Variants in DAB1 observed in about 807,000 individuals in gnomAD.
DAB1 encodes the protein DAB adaptor protein 1.
DAB1 carries 15 observed loss-of-function variants against 64.6 expected under a neutral mutation model. The observed-to-expected ratio is 0.23, with a 90% CI of 0.16 to 0.36. The LOEUF (loss-of-function observed/expected upper bound fraction) is 0.36, where lower values mean the gene tolerates loss of function less well. DAB1 is among the 10% of genes least tolerant of loss of function. DAB1 has a pLI of 1.00. For missense variants in DAB1, 596 were observed against 706.7 expected, an observed-to-expected ratio of 0.84 and a Z score of 1.78; for synonymous variants, 235 against 251.9, an observed-to-expected ratio of 0.93 and a Z score of 0.64.
At position 58,034,667 on chromosome 1, in the gene DAB1, C is replaced by T. The variant is rs573798088; in HGVS notation, n.387+115844G>A. Among the ~76,000 whole-genome samples, 5 of 152,290 alleles carry T rather than the reference C, an allele frequency of 3.3e-5. No individual in the cohort carries two copies. The East Asian group carries it at 9.7e-4, about 29-fold the overall frequency. On this transcript the variant is annotated intron_variant and non_coding_transcript_variant, in intron 5 of 20. Transcript: ENST00000485760. ...TATTTCTAGGTTATAGTTCTAGTAG[C>T]AGTTAGCTCAGAAATGATTTCTTCC... is the stretch of plus-strand genomic sequence containing the variant.
At chr1:57,286,018 T>C (rs183204038) in intron 2 of DAB1, among the ~76,000 whole-genome samples, 12 of 152,344 alleles carry the variant, frequency 7.9e-5, no homozygotes. Context: ...TGACAAGCTG[T>C]ATGTGCAGTG....
At chr1:57,002,142 G>A (rs1399366645) in intron 14 of DAB1, among the ~76,000 whole-genome samples, 1 of 152,200 alleles carries the variant, frequency 6.6e-6, no homozygotes, top group Non-Finnish European at 1.5e-5. Context: ...TAACAGAGTA[G>A]ATGGAAACCA....
intron 5 of DAB1, among the ~76,000 whole-genome samples, chr1:58,058,438 CAT>C (rs2100545613): frequency 6.6e-6 from 1 of 152,268 alleles, no homozygotes; most frequent in East Asian, 1.9e-4. Flanking sequence ...TCATTTACGC[CAT>C]TCGCTCCCAC....
intron 7 of DAB1, among the ~76,000 whole-genome samples, chr1:57,529,192 C>T (rs1644632285): frequency 6.6e-6 from 1 of 152,002 alleles, no homozygotes; most frequent in African/African-American, 2.4e-5. Flanking sequence ...AAGGTGCATA[C>T]ATAATTTATA....
chr1:58,461,049 T>C (rs1645238530), intron 3 of DAB1, among the ~76,000 whole-genome samples: 1 of 152,242 alleles, frequency 6.6e-6, no homozygotes, highest in South Asian at 2.1e-4. Flanking sequence ...GAAAGCCTTC[T>C]GTACCAGATA....
intron 7 of DAB1, among the ~76,000 whole-genome samples, chr1:57,556,792 C>A (rs1644993968): frequency 6.6e-6 from 1 of 152,100 alleles, no homozygotes; most frequent in African/African-American, 2.4e-5. Context: ...TAGTTAACTC[C>A]CATATATTTA....
chr1:58,048,494 T>C, intron 5 of DAB1: 1 of 1,306,662 alleles, frequency 7.7e-7, no homozygotes, highest in Admixed American at 1.7e-5. Flanking sequence ...ACCACTTCCA[T>C]AGCCTCTGCT....
chr1:57,324,557 A>G (rs1169703123), intron 1 of DAB1, among the ~76,000 whole-genome samples: 1 of 151,406 alleles, frequency 6.6e-6, no homozygotes, highest in Non-Finnish European at 1.5e-5. Flanking sequence ...AGCAGTGCGC[A>G]TTAGAGAGGA....
intron 5 of DAB1, among the ~76,000 whole-genome samples, chr1:58,093,411 G>T (rs1404571928): frequency 1.3e-5 from 2 of 152,126 alleles, no homozygotes; most frequent in Non-Finnish European, 2.9e-5. Context: ...GTAAGCAGAG[G>T]ACGAGTGAGC....
At chr1:58,341,497 T>C (rs1033792682) in intron 4 of DAB1, among the ~76,000 whole-genome samples, 9 of 152,186 alleles carry the variant, frequency 5.9e-5, no homozygotes, top group Non-Finnish European at 1.2e-4. Context: ...ACACAAAACA[T>C]AAAATTCAGA....
chr1:57,143,200 A>G (rs1658780061), intron 3 of DAB1, among the ~76,000 whole-genome samples: 1 of 152,160 alleles, frequency 6.6e-6, no homozygotes, highest in Non-Finnish European at 1.5e-5. Flanking sequence ...GGTTGGGAGA[A>G]CAGGGGGATC....
chr1:58,482,644 A>G (rs763950534), intron 3 of DAB1, among the ~76,000 whole-genome samples: 5 of 152,194 alleles, frequency 3.3e-5, no homozygotes, highest in Non-Finnish European at 7.3e-5. Context: ...TAGAAAGACT[A>G]TCCAGGCAAG....
chr1:57,566,933 A>G (rs985952340), intron 7 of DAB1, among the ~76,000 whole-genome samples: 1 of 152,186 alleles, frequency 6.6e-6, no homozygotes, highest in African/African-American at 2.4e-5. Context: ...TTTTGAGGCC[A>G]GCATCATCCT....
chr1:57,696,043 G>C (rs950521586), intron 6 of DAB1, among the ~76,000 whole-genome samples: 1 of 152,180 alleles, frequency 6.6e-6, no homozygotes, highest in Non-Finnish European at 1.5e-5. Context: ...TGTTTGATGA[G>C]CACAATTTTG....
At chr1:57,282,755 T>C (rs1022546444) in intron 2 of DAB1, among the ~76,000 whole-genome samples, 1 of 152,168 alleles carries the variant, frequency 6.6e-6, no homozygotes, top group Non-Finnish European at 1.5e-5. Flanking sequence ...GCTCTACTGA[T>C]CAAGTTCAGA....
intron 3 of DAB1, chr1:58,468,712 T>C (rs940846562): frequency 1.3e-5 from 2 of 152,268 alleles, no homozygotes; most frequent in African/African-American, 4.8e-5. Context: ...GTGACTACAG[T>C]GCAGTTCTAA....
intron 7 of DAB1, among the ~76,000 whole-genome samples, chr1:57,549,645 G>A (rs972282900): frequency 1.3e-4 from 20 of 152,138 alleles, no homozygotes; most frequent in East Asian, 1.9e-4. Context: ...TGAATGCCTC[G>A]AATAACTGAA....
intron 7 of DAB1, among the ~76,000 whole-genome samples, chr1:57,564,383 C>G (rs1055294345): frequency 6.6e-6 from 1 of 152,148 alleles, no homozygotes; most frequent in Non-Finnish European, 1.5e-5. Flanking sequence ...GAGCGCCTCT[C>G]CCCCTCCAAA....
intron 7 of DAB1, among the ~76,000 whole-genome samples, chr1:57,455,797 T>A (rs1686568945): frequency 6.6e-6 from 1 of 152,178 alleles, no homozygotes; most frequent in East Asian, 1.9e-4. Flanking sequence ...TCTCTCCTAA[T>A]CTTCAGCTGG....
Sources: gnomAD v4.1 joint callset for allele counts (sites outside exome capture counted in the v4.1 genomes callset) on GRCh38, gnomAD v4.1.1 for gene constraint, MANE v1.5 for transcripts, NCBI Gene and HGNC (gene_info 2026-07-23, HGNC 2026-07-21) for gene names.